The following B3GALT1 variants were observed in gnomAD, a reference collection of about 807,000 sequenced individuals.
B3GALT1 encodes beta-1,3-galactosyltransferase 1.
A neutral mutation model predicts 23.2 loss-of-function variants in B3GALT1; 10 were observed. The ratio of observed to expected loss-of-function variants is 0.43; its 90% CI spans 0.27 to 0.73. The LOEUF (loss-of-function observed/expected upper bound fraction) is 0.73, where lower values mean the gene tolerates loss of function less well. Among genes scored for constraint, B3GALT1 ranks in the 30% least tolerant of loss-of-function variants. B3GALT1 has a pLI of 0.21. For synonymous variants in B3GALT1, 156 were observed against 141.5 expected (o/e 1.10, Z -0.73); for missense variants, 299 against 405.4 (o/e 0.74, Z 2.25).
intron 2 of B3GALT1, among the ~76,000 whole-genome samples, chr2:167,524,641 C>T (rs77287461): frequency 0.025 from 3,736 of 152,260 alleles, 151 homozygotes; most frequent in African/African-American, 0.085. Flanking sequence ...CTACAAAATT[C>T]ACATTCAAAA....
chr2:167,679,490 G>A (rs1293138267), intron 3 of B3GALT1, among the ~76,000 whole-genome samples: 1 of 152,266 alleles, frequency 6.6e-6, no homozygotes, highest in African/African-American at 2.4e-5. Context: ...CTGACCTCAG[G>A]TGATCCGCCC....
chr2:167,502,753 C>T (rs1699864907), intron 2 of B3GALT1, among the ~76,000 whole-genome samples: 1 of 152,170 alleles, frequency 6.6e-6, no homozygotes, highest in African/African-American at 2.4e-5. Context: ...TAAAATTTGA[C>T]ATGAGGCCGG....
At chr2:167,559,409 C>T (rs1683923555) in intron 2 of B3GALT1, among the ~76,000 whole-genome samples, 1 of 152,208 alleles carries the variant, frequency 6.6e-6, no homozygotes, top group African/African-American at 2.4e-5. Flanking sequence ...CTCTCCTCCT[C>T]CAAAGGAACG....
chr2:167,669,659 T>C (rs1220137122), intron 3 of B3GALT1, among the ~76,000 whole-genome samples: 1 of 152,264 alleles, frequency 6.6e-6, no homozygotes, highest in Non-Finnish European at 1.5e-5. Flanking sequence ...ATTTACACTT[T>C]AGAAATGTAT....
At chr2:167,542,200 G>A (rs1328185092) in intron 2 of B3GALT1, among the ~76,000 whole-genome samples, 1 of 151,790 alleles carries the variant, frequency 6.6e-6, no homozygotes, top group East Asian at 1.9e-4. Flanking sequence ...CTGATAGAAA[G>A]GAAAGGACCT....
intron 2 of B3GALT1, among the ~76,000 whole-genome samples, chr2:167,507,088 T>C (rs1013671991): frequency 5.3e-5 from 8 of 152,106 alleles, no homozygotes; most frequent in African/African-American, 1.9e-4. Flanking sequence ...AAAAGAATAA[T>C]AGAAAGTTTG....
intron 1 of B3GALT1, among the ~76,000 whole-genome samples, chr2:167,307,771 G>A (rs980146291): frequency 6.6e-6 from 1 of 151,790 alleles, no homozygotes; most frequent in African/African-American, 2.4e-5. Flanking sequence ...CCCTTTTCCT[G>A]TTCAAATTCA....
intron 2 of B3GALT1, among the ~76,000 whole-genome samples, chr2:167,603,082 G>A (rs1684902946): frequency 6.6e-6 from 1 of 152,154 alleles, no homozygotes; most frequent in African/African-American, 2.4e-5. Flanking sequence ...AACAGGGATT[G>A]CACACAAGTG....
intron 1 of B3GALT1, among the ~76,000 whole-genome samples, chr2:167,345,701 C>T (rs1697214709): frequency 6.6e-6 from 1 of 152,130 alleles, no homozygotes; most frequent in Non-Finnish European, 1.5e-5. Context: ...AGACACAGTA[C>T]TCTCATGAAG....
chr2:167,724,501 T>A (rs1687278780), intron 3 of B3GALT1, among the ~76,000 whole-genome samples: 1 of 152,212 alleles, frequency 6.6e-6, no homozygotes, highest in Non-Finnish European at 1.5e-5. Flanking sequence ...TCAAACTTTT[T>A]GATCTCTGAC....
chr2:167,386,951 G>A (rs1697937706), intron 1 of B3GALT1, among the ~76,000 whole-genome samples: 1 of 152,180 alleles, frequency 6.6e-6, no homozygotes, highest in South Asian at 2.1e-4. Flanking sequence ...TGCCGCTTGA[G>A]TGACTCCTTG....
intron 1 of B3GALT1, among the ~76,000 whole-genome samples, chr2:167,326,588 C>G (rs532346062): frequency 1.3e-5 from 2 of 152,082 alleles, no homozygotes; most frequent in African/African-American, 4.8e-5. Context: ...AGTCTTTAAT[C>G]CAAATTGAGT....
At chr2:167,322,875 C>A (rs958978062) in intron 1 of B3GALT1, among the ~76,000 whole-genome samples, 1 of 151,878 alleles carries the variant, frequency 6.6e-6, no homozygotes, top group Admixed American at 6.5e-5. Flanking sequence ...GGCTTTCAGA[C>A]AAAAATCTTC....
chr2:167,706,341 G>A (rs1686967000), intron 3 of B3GALT1, among the ~76,000 whole-genome samples: 1 of 152,192 alleles, frequency 6.6e-6, no homozygotes. Flanking sequence ...TATCTAAATT[G>A]TAGTTCTGTT....
intron 2 of B3GALT1, among the ~76,000 whole-genome samples, chr2:167,599,537 A>G (rs1684836588): frequency 6.6e-6 from 1 of 152,210 alleles, no homozygotes; most frequent in Non-Finnish European, 1.5e-5. Context: ...ACAGTTTTTC[A>G]TGATGCATGT....
intron 2 of B3GALT1, among the ~76,000 whole-genome samples, chr2:167,612,603 T>G (rs1014234079): frequency 5.9e-5 from 9 of 151,896 alleles, no homozygotes; most frequent in African/African-American, 2.2e-4. Flanking sequence ...TATTTAAAAT[T>G]CCAACATTTT....
intron 3 of B3GALT1, among the ~76,000 whole-genome samples, chr2:167,699,434 T>A (rs1377807403): frequency 7.4e-6 from 1 of 134,782 alleles, no homozygotes; most frequent in Non-Finnish European, 1.6e-5. Flanking sequence ...AAAACCCCAA[T>A]TAACCACAAC....
intron 1 of B3GALT1, among the ~76,000 whole-genome samples, chr2:167,342,874 C>A (rs1241568403): frequency 6.6e-6 from 1 of 152,036 alleles, no homozygotes; most frequent in African/African-American, 2.4e-5. Context: ...ATCTTTTATT[C>A]TCAAAAATTA....
intron 2 of B3GALT1, among the ~76,000 whole-genome samples, chr2:167,503,483 A>C (rs923487402): frequency 6.6e-6 from 1 of 152,214 alleles, no homozygotes; most frequent in Non-Finnish European, 1.5e-5. Context: ...TTTATGAAAT[A>C]ATGTCAAAAT....
Sources: gnomAD v4.1 joint callset for allele counts (sites outside exome capture counted in the v4.1 genomes callset) on GRCh38, gnomAD v4.1.1 for gene constraint, MANE v1.5 for transcripts, NCBI Gene and HGNC (gene_info 2026-07-23, HGNC 2026-07-21) for gene names.